Variants in FGD4 observed in about 807,000 individuals in gnomAD.
FGD4 encodes the protein FYVE, RhoGEF and PH domain-containing protein 4.
In FGD4, 42 loss-of-function variants were observed where a neutral mutation model predicts 102.0. That is an observed-to-expected ratio of 0.41 (90% confidence interval 0.32 to 0.53). The LOEUF (loss-of-function observed/expected upper bound fraction) is 0.53. Ranked by LOEUF, FGD4 falls within the 20% of genes least tolerant of loss-of-function variation. The pLI is 0.21. For missense variants in FGD4, 902 were observed against 1,078.2 expected (o/e 0.84, Z 2.29); for synonymous variants, 380 against 375.7 (o/e 1.01, Z -0.13).
At chr12:32,491,485 A>T (rs1189803000) in intron 1 of FGD4, among the ~76,000 whole-genome samples, 1 of 152,230 alleles carries the variant, frequency 6.6e-6, no homozygotes, top group Non-Finnish European at 1.5e-5. Context: ...TACCAGGTAC[A>T]GAAAGTCCCT....
At chr12:32,572,184 A>G (rs1448434213) in intron 2 of FGD4, among the ~76,000 whole-genome samples, 1 of 152,222 alleles carries the variant, frequency 6.6e-6, no homozygotes, top group Non-Finnish European at 1.5e-5. Flanking sequence ...TGTTGTTTTC[A>G]TTTAGCTCTA....
chr12:32,537,870 A>G (rs1204341774), intron 1 of FGD4, among the ~76,000 whole-genome samples: 1 of 152,028 alleles, frequency 6.6e-6, no homozygotes, highest in Non-Finnish European at 1.5e-5. Flanking sequence ...ACCCAGCTTT[A>G]CTTTCGTTAT....
At chr12:32,582,532 C>CT (rs765431588) in intron 4 of FGD4, 65 bp downstream of exon 4, 1 of 1,589,062 alleles carries the variant, frequency 6.3e-7, no homozygotes, top group Non-Finnish European at 8.5e-7. Context: ...TCTTAAAACT[C>CT]TTTATTTATT....
At chr12:32,461,818 C>A (rs768145002) in intron 1 of FGD4, among the ~76,000 whole-genome samples, 4 of 152,122 alleles carry the variant, frequency 2.6e-5, no homozygotes, top group Non-Finnish European at 4.4e-5. Flanking sequence ...CCTCTGCCTC[C>A]TGGGTTCAAG....
At chr12:32,516,558 G>T (rs1348735207) in intron 1 of FGD4, among the ~76,000 whole-genome samples, 1 of 152,200 alleles carries the variant, frequency 6.6e-6, no homozygotes, top group Non-Finnish European at 1.5e-5. Context: ...TGGTGTCACT[G>T]ACAAGTTATC....
intron 1 of FGD4, among the ~76,000 whole-genome samples, chr12:32,479,302 C>T (rs1591980372): frequency 1.3e-5 from 2 of 152,096 alleles, no homozygotes; most frequent in East Asian, 3.9e-4. Flanking sequence ...TGTTTCATTT[C>T]CTATTAAATA....
intron 1 of FGD4, among the ~76,000 whole-genome samples, chr12:32,427,952 G>A (rs548505244): frequency 2.1e-4 from 32 of 152,094 alleles, no homozygotes; most frequent in Admixed American, 1.2e-3. Flanking sequence ...GAGCCTATGC[G>A]TGTCTTTGCA....
chr12:32,630,013 C>T (rs993767551), intron 14 of FGD4, among the ~76,000 whole-genome samples: 1 of 152,064 alleles, frequency 6.6e-6, no homozygotes, highest in Non-Finnish European at 1.5e-5. Context: ...GCGTAATGAC[C>T]GAGTCTCAGG....
In FGD4 at chr12:32,506,422, G is replaced by C. The variant is rs1471719417; in HGVS notation, c.167-57715G>C. On this transcript the variant is annotated intron_variant, in intron 1 of 16. Transcript: ENST00000534526. This position sits in a 1 kb window ranked among gnomAD's most constrained non-coding sequence, Gnocchi z 4.5. ...AGTAAAATGATCAGAGTGCTGCCTA[G>C]TCACTGTGGATCCCAAAGCAGGTGG... 2.0e-5 allele frequency among the ~76,000 whole-genome samples: 3 copies of C among 152,170 alleles called. No individual in the cohort carries two copies.
chr12:32,473,671 A>C (rs1023991107), intron 1 of FGD4, among the ~76,000 whole-genome samples: 8 of 152,152 alleles, frequency 5.3e-5, no homozygotes, highest in African/African-American at 1.4e-4. Flanking sequence ...AGCTCATCTC[A>C]AACTGAAGAC....
intron 1 of FGD4, among the ~76,000 whole-genome samples, chr12:32,563,244 C>T (rs1230724228): frequency 6.7e-6 from 1 of 149,492 alleles, no homozygotes; most frequent in Non-Finnish European, 1.5e-5. Flanking sequence ...ACTTCTCAGA[C>T]GGGGCGGTTG....
intron 1 of FGD4, among the ~76,000 whole-genome samples, chr12:32,424,121 C>T (rs996057909): frequency 6.6e-6 from 1 of 152,072 alleles, no homozygotes; most frequent in Non-Finnish European, 1.5e-5. Context: ...GCAGAACATG[C>T]AGGTTTGTTC....
intron 10 of FGD4, among the ~76,000 whole-genome samples, chr12:32,614,413 G>A (rs1949327120): frequency 6.6e-6 from 1 of 152,204 alleles, no homozygotes; most frequent in Admixed American, 6.5e-5. Context: ...CCAGTCAAGA[G>A]CAAAGGTCAT....
chr12:32,607,205 T>C (rs950877115), intron 7 of FGD4, among the ~76,000 whole-genome samples: 2 of 152,226 alleles, frequency 1.3e-5, no homozygotes, highest in African/African-American at 2.4e-5. Flanking sequence ...TGATTTTTTT[T>C]CCTCCTTTCT....
intron 1 of FGD4, among the ~76,000 whole-genome samples, chr12:32,562,324 C>T (rs892435286): frequency 6.6e-6 from 1 of 152,190 alleles, no homozygotes; most frequent in Non-Finnish European, 1.5e-5. Flanking sequence ...AACTCTTTGT[C>T]AAGGCCAGCC....
intron 1 of FGD4, among the ~76,000 whole-genome samples, chr12:32,543,952 G>A (rs1005020894): frequency 2.0e-5 from 3 of 152,088 alleles, no homozygotes; most frequent in African/African-American, 7.2e-5. Flanking sequence ...TTTAAGTGCT[G>A]TCCTTTGTCA....
chr12:32,468,250 A>G (rs1241654635), intron 1 of FGD4, among the ~76,000 whole-genome samples: 1 of 139,252 alleles, frequency 7.2e-6, no homozygotes, highest in Non-Finnish European at 1.6e-5. Context: ...TGTCTACTGT[A>G]TGATGAATGC....
intron 4 of FGD4, among the ~76,000 whole-genome samples, chr12:32,583,906 A>G (rs779977223): frequency 1.2e-4 from 19 of 152,220 alleles, no homozygotes; most frequent in African/African-American, 4.3e-4. Context: ...ATCTTTTGCC[A>G]CTGTTGGGAT....
chr12:32,527,250 A>G (rs1218095863), intron 1 of FGD4, among the ~76,000 whole-genome samples: 1 of 152,208 alleles, frequency 6.6e-6, no homozygotes, highest in Non-Finnish European at 1.5e-5. Flanking sequence ...GTGGGATATT[A>G]CGCAGTGTTT....
Sources: gnomAD v4.1 joint callset for allele counts (sites outside exome capture counted in the v4.1 genomes callset) on GRCh38, gnomAD v4.1.1 for gene constraint, Gnocchi (gnomAD v3.1) non-coding constraint, MANE v1.5 for transcripts, NCBI Gene and HGNC (gene_info 2026-07-23, HGNC 2026-07-21) for gene names.